The following ACOT12 variants were observed in gnomAD, a reference collection of about 807,000 sequenced individuals.
ACOT12 encodes the protein acetyl-coenzyme A thioesterase.
In ACOT12, 51 loss-of-function variants were observed where a neutral mutation model predicts 67.7. The ratio of observed to expected loss-of-function variants is 0.75; its 90% CI spans 0.60 to 0.95. The LOEUF is 0.95. ACOT12 is among the 40% of genes least tolerant of loss of function. ACOT12 has a pLI of 0.00. For synonymous variants in ACOT12, 251 were observed against 244.6 expected, an observed-to-expected ratio of 1.03 and a Z score of -0.24; for missense variants, 734 against 708.1, an observed-to-expected ratio of 1.04 and a Z score of -0.41.
chr5:81,321,128 C>A, the ACOT12 span, among the ~76,000 whole-genome samples: 1 of 152,154 alleles, frequency 6.6e-6, no homozygotes, highest in Non-Finnish European at 1.5e-5. Context: ...TGGTGGCTTG[C>A]ACCTGTAGTC....
chr5:81,384,971 G>C (rs977895139), intron 2 of ACOT12, among the ~76,000 whole-genome samples: 15 of 152,060 alleles, frequency 9.9e-5, no homozygotes, highest in African/African-American at 3.4e-4. Flanking sequence ...TGAAATGTTT[G>C]TGTATCTTGA....
chr5:81,387,839 C>T (rs988206274), intron 1 of ACOT12, among the ~76,000 whole-genome samples: 1 of 152,030 alleles, frequency 6.6e-6, no homozygotes, highest in African/African-American at 2.4e-5. Flanking sequence ...GCCACCATGC[C>T]CGGCTGAGTT....
At chr5:81,323,736 A>G in the ACOT12 span, among the ~76,000 whole-genome samples, 1 of 151,914 alleles carries the variant, frequency 6.6e-6, no homozygotes, top group African/African-American at 2.4e-5. Flanking sequence ...GAAATGTGAC[A>G]TGATCAGGTA....
chr5:81,371,216 G>A (rs941304186), intron 3 of ACOT12, among the ~76,000 whole-genome samples: 2 of 152,130 alleles, frequency 1.3e-5, no homozygotes, highest in Non-Finnish European at 2.9e-5. Flanking sequence ...TGTAGAAATA[G>A]TGTACTGTAT....
chr5:81,391,121 AAC>A (rs1561355931), intron 1 of ACOT12, among the ~76,000 whole-genome samples: 2 of 152,236 alleles, frequency 1.3e-5, no homozygotes, highest in Non-Finnish European at 2.9e-5. Flanking sequence ...TTTTGGCCTC[AAC>A]CAGGAGGTTT....
At chr5:81,393,448 T>C (rs531595226) in intron 1 of ACOT12, among the ~76,000 whole-genome samples, 1 of 152,260 alleles carries the variant, frequency 6.6e-6, no homozygotes, top group African/African-American at 2.4e-5. Flanking sequence ...TCCCAACACT[T>C]TGGGAGGCTG....
At chr5:81,326,113 G>A (rs1758668069), downstream of ACOT12, among the ~76,000 whole-genome samples, 1 of 134,222 alleles carries the variant, frequency 7.5e-6, no homozygotes, top group Admixed American at 7.8e-5. Flanking sequence ...CCAGCCCTGA[G>A]ATTCTTTTTT....
At chr5:81,353,936 T>C (rs763602143) in intron 5 of ACOT12, among the ~76,000 whole-genome samples, 4 of 152,178 alleles carry the variant, frequency 2.6e-5, no homozygotes, top group Non-Finnish European at 5.9e-5. Flanking sequence ...CAATGTCCTA[T>C]CAAAAACCAA....
At chr5:81,316,862 G>A in the ACOT12 span, among the ~76,000 whole-genome samples, 2 of 152,194 alleles carry the variant, frequency 1.3e-5, no homozygotes, top group African/African-American at 2.4e-5. Flanking sequence ...GATCTCTGCA[G>A]AAAAGTCCAT....
chr5:81,352,964 T>C (rs1249159560), intron 5 of ACOT12, among the ~76,000 whole-genome samples: 4 of 152,216 alleles, frequency 2.6e-5, no homozygotes, highest in Non-Finnish European at 5.9e-5. Context: ...TGCCTTTTTA[T>C]GCGTTTTGCA....
intron 11 of ACOT12, among the ~76,000 whole-genome samples, 197 bp downstream of exon 11, chr5:81,342,475 G>A (rs1759227431): frequency 6.6e-6 from 1 of 152,180 alleles, no homozygotes; most frequent in African/African-American, 2.4e-5. Flanking sequence ...GTAGGAGCAT[G>A]TTGGGTATAT....
At position 81,347,811 on chromosome 5, in the gene ACOT12, T is replaced by C. The variant is rs1759427408; in HGVS notation, c.616A>G (p.Met206Val). Residue 206 changes from methionine to valine, a missense_variant, in exon 6 of 15, where the codon ATG becomes GTG. Met to Val is a conservative substitution (Grantham distance 21). Coordinates refer to ENST00000307624, the MANE Select transcript of ACOT12 (RefSeq NM_130767.3). The stretch of plus-strand genomic sequence containing the variant: ...GTAGCCACTGTCTCCATCCACGCCA[T>C]AATCTGGCCACCAAATGTATTTCCG... ...HHGNTFGGQI[M>V]AWMETVATIS... 1 of 1,614,206 alleles carries C rather than the reference T, an allele frequency of 6.2e-7. No homozygotes were observed. Among genetic ancestry groups the C allele is most frequent in the Non-Finnish European group, 8.5e-7 (1 of 1,180,026 alleles).
rs189540448 is a variant in ACOT12 at position 81,351,416 on chromosome 5, A to T, written c.497-3486T>A. ...GGCATAAAAACAGACACATAGACCA[A>T]TGGAACAGAACTGGGAACCCAGAAA... On this transcript the variant is annotated intron_variant, in intron 5 of 14. Coordinates refer to ENST00000307624, the MANE Select transcript of ACOT12 (RefSeq NM_130767.3). Among the ~76,000 whole-genome samples, 5 of 152,344 alleles carry T rather than the reference A, an allele frequency of 3.3e-5. No individual in the cohort carries two copies. In the East Asian group the frequency reaches 9.6e-4, roughly 29 times the overall value.
intron 1 of ACOT12, among the ~76,000 whole-genome samples, chr5:81,387,402 A>C (rs1428292475): frequency 2.0e-5 from 3 of 152,220 alleles, no homozygotes; most frequent in African/African-American, 7.2e-5. Flanking sequence ...ATATATGCTT[A>C]AATCATTGAT....
At chr5:81,370,525 G>A (rs1016264694) in intron 3 of ACOT12, among the ~76,000 whole-genome samples, 2 of 152,182 alleles carry the variant, frequency 1.3e-5, no homozygotes, top group Admixed American at 1.3e-4. Context: ...TTTATAAAAA[G>A]GGGAAATTTG....
intron 5 of ACOT12, among the ~76,000 whole-genome samples, chr5:81,354,498 G>C (rs976276535): frequency 6.6e-6 from 1 of 152,108 alleles, no homozygotes; most frequent in Admixed American, 6.5e-5. Flanking sequence ...CTTGAGGGGG[G>C]TGTGAAGACA....
At chr5:81,377,203 A>G (rs964531413) in intron 2 of ACOT12, among the ~76,000 whole-genome samples, 8 of 152,154 alleles carry the variant, frequency 5.3e-5, no homozygotes, top group African/African-American at 1.9e-4. Flanking sequence ...ATCAATAAAC[A>G]TAATTCATCA....
intron 2 of ACOT12, among the ~76,000 whole-genome samples, chr5:81,377,287 C>T (rs946945976): frequency 1.3e-5 from 2 of 152,158 alleles, no homozygotes; most frequent in African/African-American, 4.8e-5. Context: ...CAAAATTCAA[C>T]AATCCATTCA....
chr5:81,336,742 C>T (rs1374790248), intron 11 of ACOT12, among the ~76,000 whole-genome samples: 1 of 152,130 alleles, frequency 6.6e-6, no homozygotes, highest in Non-Finnish European at 1.5e-5. Context: ...TAACCATTCC[C>T]ATGGCAACAA....
Sources: allele counts gnomAD v4.1 joint callset (sites outside exome capture counted in the v4.1 genomes callset), GRCh38; gene constraint gnomAD v4.1.1; transcripts MANE v1.5; gene names NCBI Gene and HGNC (gene_info 2026-07-23, HGNC 2026-07-21).